Variants in KPNA4 observed in about 807,000 individuals in gnomAD.
The protein encoded by KPNA4 is importin subunit alpha-3.
A neutral mutation model predicts 71.3 loss-of-function variants in KPNA4; 13 were observed. That is an observed-to-expected ratio of 0.18 (90% CI 0.12 to 0.29). KPNA4 has a LOEUF of 0.29. Among genes scored for constraint, KPNA4 ranks in the 10% least tolerant of loss-of-function variants. KPNA4 has a pLI of 1.00. For synonymous variants in KPNA4, 189 were observed against 195.2 expected, an observed-to-expected ratio of 0.97 and a Z score of 0.26; for missense variants, 334 against 603.2, an observed-to-expected ratio of 0.55 and a Z score of 4.67.
At chr3:160,520,286 T>C (rs897951901) in intron 11 of KPNA4, among the ~76,000 whole-genome samples, 2 of 151,842 alleles carry the variant, frequency 1.3e-5, no homozygotes, top group Non-Finnish European at 2.9e-5. Context: ...GGAGTCTTGC[T>C]CAGTTGCCAG....
rs560408626 is a variant in KPNA4 at position 160,533,563 on chromosome 3, G to A, written c.287+1950C>T. On this transcript the variant is annotated intron_variant, in intron 5 of 16. Transcript: ENST00000334256. ...AAAATTTTTTTTACACTTCACTGAG[G>A]ATATTTTAGAAGAGAAATGTCTTTT... Among the ~76,000 whole-genome samples the A allele has an allele frequency of 2.5e-4, 38 of 151,898 alleles. 1 individual carries two copies. The South Asian group carries it at 7.9e-3, about 32-fold the overall frequency.
At chr3:160,552,126 A>T (rs1722052654) in intron 1 of KPNA4, among the ~76,000 whole-genome samples, 1 of 152,200 alleles carries the variant, frequency 6.6e-6, no homozygotes, top group African/African-American at 2.4e-5. Flanking sequence ...ATTCAAATTA[A>T]GTTCAAATAT....
At chr3:160,544,804 T>G (rs954147251) in intron 1 of KPNA4, among the ~76,000 whole-genome samples, 1 of 136,158 alleles carries the variant, frequency 7.3e-6, no homozygotes, top group Non-Finnish European at 1.6e-5. Context: ...GAAAAATAGT[T>G]TTTTTTTTCC....
At chr3:160,536,458 T>TGAAA (rs1721696270) in intron 2 of KPNA4, among the ~76,000 whole-genome samples, 1 of 152,162 alleles carries the variant, frequency 6.6e-6, no homozygotes, top group Non-Finnish European at 1.5e-5. Context: ...AGGGACTTAC[T>TGAAA]ACTGCCCATT....
At chr3:160,543,416 C>T (rs1721846564) in intron 1 of KPNA4, among the ~76,000 whole-genome samples, 2 of 151,786 alleles carry the variant, frequency 1.3e-5, no homozygotes, top group Admixed American at 1.3e-4. Context: ...CCTCAGCTCA[C>T]TGTAACCTCA....
intron 1 of KPNA4, among the ~76,000 whole-genome samples, chr3:160,538,948 C>A (rs1393383450): frequency 6.6e-6 from 1 of 152,110 alleles, no homozygotes; most frequent in South Asian, 2.1e-4. Context: ...GTAAAAACAC[C>A]CTCTTTACAG....
intron 1 of KPNA4, among the ~76,000 whole-genome samples, chr3:160,553,207 G>T (rs997886290): frequency 3.3e-5 from 5 of 152,088 alleles, no homozygotes; most frequent in Non-Finnish European, 7.4e-5. Flanking sequence ...CTTTCCGGGG[G>T]TGCTCCTGAA....
At position 160,515,099 on chromosome 3, in the gene KPNA4, A is replaced by G. The variant is rs140676844; in HGVS notation, c.1032+353T>C. On this transcript the variant is annotated intron_variant, in intron 12 of 16. Coordinates refer to ENST00000334256, the MANE Select transcript of KPNA4 (RefSeq NM_002268.5). ...AGTGCCCCCTTTCCATAGCCACCAC[A>G]AGCACACACACATGCATACACACTC... 2.4e-4 allele frequency: 124 copies of G among 519,754 alleles called. 1 individual carries two copies. The East Asian group carries it at 6.5e-3, about 27-fold the overall frequency. 32.2% of individuals were successfully genotyped at this position (519,754 alleles called of 1,614,324 possible).
At chr3:160,560,466 T>C (rs1037822694) in intron 1 of KPNA4, among the ~76,000 whole-genome samples, 1 of 151,784 alleles carries the variant, frequency 6.6e-6, no homozygotes, top group Non-Finnish European at 1.5e-5. Flanking sequence ...TCTGATGACA[T>C]GCTCTTGTTT....
intron 10 of KPNA4, among the ~76,000 whole-genome samples, chr3:160,523,631 C>T (rs1160594555): frequency 2.0e-5 from 3 of 151,932 alleles, no homozygotes; most frequent in African/African-American, 7.3e-5. Context: ...GGGTGGATCA[C>T]GAGGTCAAGA....
In KPNA4 at chr3:160,509,690, C is replaced by G. The variant is rs76107311; in HGVS notation, c.1209+110G>C. On this transcript the variant is annotated intron_variant, in intron 14 of 16. Transcript: ENST00000334256. ...CGGGTGATCCTCCAGCCTTGGCCTCCCAGGGTGTTGCTATTATTTTAAATT... is the reference window on the plus strand; with the variant it reads ...CGGGTGATCCTCCAGCCTTGGCCTCGCAGGGTGTTGCTATTATTTTAAATT... 4,418 of 831,210 alleles carry G rather than the reference C, an allele frequency of 5.3e-3. 115 individuals carry two copies. In the African/African-American group the frequency reaches 0.062, roughly 12 times the overall value. The allele number at this position is 831,210 out of a possible 1,614,324, so 51.5% of individuals were successfully genotyped here.
intron 1 of KPNA4, among the ~76,000 whole-genome samples, chr3:160,537,155 C>A (rs1245977186): frequency 6.6e-6 from 1 of 151,528 alleles, no homozygotes; most frequent in East Asian, 1.9e-4. Flanking sequence ...CATAATCTCA[C>A]CCCTCATATG....
At chr3:160,540,057 T>C (rs1721768281) in intron 1 of KPNA4, among the ~76,000 whole-genome samples, 1 of 148,274 alleles carries the variant, frequency 6.7e-6, no homozygotes, top group African/African-American at 2.5e-5. Flanking sequence ...TGGAGTACAG[T>C]AACGGGATCT....
intron 10 of KPNA4, among the ~76,000 whole-genome samples, chr3:160,523,137 C>T (rs1721388461): frequency 6.6e-6 from 1 of 152,150 alleles, no homozygotes; most frequent in Non-Finnish European, 1.5e-5. Flanking sequence ...AGAATATGAA[C>T]TCTGTGTCAA....
intron 1 of KPNA4, among the ~76,000 whole-genome samples, chr3:160,544,902 C>T (rs1197527522): frequency 6.6e-6 from 1 of 152,040 alleles, no homozygotes; most frequent in Non-Finnish European, 1.5e-5. Context: ...AACTCAAACT[C>T]ATGGTTTTCT....
intron 6 of KPNA4, 62 bp from the exon 7 acceptor site, chr3:160,531,002 C>G (rs570062357): frequency 9.3e-7 from 1 of 1,074,420 alleles, no homozygotes; most frequent in African/African-American, 1.6e-5. Context: ...AAATATCTAA[C>G]CATTCTTCCT....
chr3:160,528,126 A>T, intron 7 of KPNA4, 87 bp from the exon 8 acceptor site: 4 of 862,778 alleles, frequency 4.6e-6, no homozygotes, highest in Non-Finnish European at 7.3e-6. Context: ...GACCTCAAAA[A>T]AAAGGGAACC....
intron 1 of KPNA4, among the ~76,000 whole-genome samples, chr3:160,549,243 T>C (rs774764167): frequency 1.3e-5 from 2 of 152,228 alleles, no homozygotes; most frequent in African/African-American, 2.4e-5. Flanking sequence ...AGGTTGTCTT[T>C]TCACTCGATT....
Position 160,497,564 on chromosome 3 carries a change from T to A in KPNA4, c.*4540A>T, listed in dbSNP as rs1301857041. The A allele has an allele frequency of 3.3e-5, 5 of 152,218 alleles. No individual in the cohort carries two copies. Among genetic ancestry groups the A allele is most frequent in the African/African-American group, 1.2e-4 (5 of 41,476 alleles). 9.4% of individuals were successfully genotyped at this position (152,218 alleles called of 1,614,324 possible). A position where few individuals can be genotyped will look rare whatever the true frequency, so the allele number is the denominator to read the frequency against. On this transcript the variant is annotated 3_prime_UTR_variant, in exon 17 of 17. Transcript: ENST00000334256. Reference sequence around the variant, plus strand: ...TAAAAAGTTTAGGGAAAACTTTAAGTGTTCAAAATGTCAAGTTTGTTAGGC... The same window carrying A: ...TAAAAAGTTTAGGGAAAACTTTAAGAGTTCAAAATGTCAAGTTTGTTAGGC...
Sources: allele counts gnomAD v4.1 joint callset (sites outside exome capture counted in the v4.1 genomes callset), GRCh38; gene constraint gnomAD v4.1.1; transcripts MANE v1.5; gene names NCBI Gene and HGNC (gene_info 2026-07-23, HGNC 2026-07-21).